The following SMIM27 variants were observed in gnomAD, a reference collection of about 807,000 sequenced individuals.
SMIM27 encodes the protein transition zone microprotein 1, also known as TOPORS antisense RNA 1 (non-protein coding).
A neutral mutation model predicts 1.8 loss-of-function variants in SMIM27; 3 were observed. The observed-to-expected ratio is 1.65, with a 90% CI of 0.75 to 4.28. The LOEUF is 4.28. SMIM27 is among the 30% of genes most tolerant of loss of function. The probability of loss-of-function intolerance (pLI) is 0.02; values close to 1 mark genes in which losing one functional copy is unlikely to be tolerated. For synonymous variants in SMIM27, 19 were observed against 13.9 expected (o/e 1.37, Z -0.82); for missense variants, 63 against 37.0 (o/e 1.70, Z -1.83).
intron 1 of SMIM27, among the ~76,000 whole-genome samples, chr9:32,560,208 A>C (rs1479868623): frequency 6.6e-6 from 1 of 152,230 alleles, no homozygotes; most frequent in Non-Finnish European, 1.5e-5. Flanking sequence ...CAAGAGAAAA[A>C]GTAAGGTAAG....
At chr9:32,557,470 C>CA (rs1821498119), downstream of SMIM27, among the ~76,000 whole-genome samples, 1 of 147,664 alleles carries the variant, frequency 6.8e-6, no homozygotes, top group South Asian at 2.2e-4. Flanking sequence ...ATACCCCCTA[C>CA]TTTTTTTTTT....
chr9:32,555,507 G>A (rs1331105244), downstream of SMIM27, among the ~76,000 whole-genome samples: 1 of 152,222 alleles, frequency 6.6e-6, no homozygotes, highest in Non-Finnish European at 1.5e-5. Context: ...GCTGGTAACT[G>A]TGTATAGGAA....
chr9:32,557,420 C>T (rs913715858), downstream of SMIM27, among the ~76,000 whole-genome samples: 10 of 151,250 alleles, frequency 6.6e-5, no homozygotes, highest in Admixed American at 5.9e-4. Context: ...CCACCCACCT[C>T]GGCTTCCCAT....
At chr9:32,563,038 C>T (rs999941980) in intron 1 of SMIM27, among the ~76,000 whole-genome samples, 2 of 152,188 alleles carry the variant, frequency 1.3e-5, no homozygotes, top group African/African-American at 4.8e-5. Context: ...TGAGGGAGAA[C>T]AGCCCCTCAG....
intron 1 of SMIM27, among the ~76,000 whole-genome samples, chr9:32,563,073 A>G (rs867336516): frequency 4.6e-5 from 7 of 152,326 alleles, no homozygotes; most frequent in Middle Eastern, 3.4e-3. Context: ...CTGTTTCCTC[A>G]TATGAATTTA....
intron 1 of SMIM27, among the ~76,000 whole-genome samples, chr9:32,565,865 G>A (rs903921184): frequency 6.6e-6 from 1 of 152,080 alleles, no homozygotes; most frequent in Non-Finnish European, 1.5e-5. Flanking sequence ...CTAGCTACTT[G>A]GGAGGTTGAG....
At position 32,559,132 on chromosome 9, in the gene SMIM27, A is replaced by G. The variant is rs542055679; in HGVS notation, c.45+6653A>G. Among the ~76,000 whole-genome samples the G allele has an allele frequency of 2.0e-5, 3 of 152,290 alleles. No individual in the cohort carries two copies. In the East Asian group the frequency reaches 5.8e-4, roughly 29 times the overall value. On this transcript the variant is annotated intron_variant, in intron 1 of 1. Transcript: ENST00000451672. ...GCTATCAAACAGGCATCTCAAACTT[A>G]ACCAGGTCCCACACTTAACTTCTCC...
At chr9:32,551,800 T>G (rs1305570376), upstream of SMIM27, 1 of 452,096 alleles carries the variant, frequency 2.2e-6, no homozygotes, top group South Asian at 1.6e-5. Context: ...ACTGATACAT[T>G]ATGGCGGGTA....
intron 1 of SMIM27, among the ~76,000 whole-genome samples, chr9:32,563,977 C>T (rs1235731290): frequency 6.6e-6 from 1 of 152,166 alleles, no homozygotes; most frequent in Admixed American, 6.5e-5. Context: ...TTCTCTCCTC[C>T]CGCCCTAGAA....
upstream of SMIM27, chr9:32,552,178 A>G: frequency 5.5e-6 from 2 of 360,664 alleles, no homozygotes; most frequent in South Asian, 4.3e-5. Context: ...AGTTGGCAAA[A>G]AAAAAAAAAA....
chr9:32,560,437 G>A (rs901064267), intron 1 of SMIM27, among the ~76,000 whole-genome samples: 2 of 152,172 alleles, frequency 1.3e-5, no homozygotes, highest in Admixed American at 6.5e-5. Flanking sequence ...GATAAAGTAA[G>A]TTAAACCCAG....
At chr9:32,558,267 A>G (rs1215586695) in intron 1 of SMIM27, among the ~76,000 whole-genome samples, 1 of 151,862 alleles carries the variant, frequency 6.6e-6, no homozygotes, top group Non-Finnish European at 1.5e-5. Context: ...GCCCGCCACC[A>G]CGCCCAGCTA....
intron 1 of SMIM27, among the ~76,000 whole-genome samples, chr9:32,560,706 A>G (rs1821601155): frequency 6.6e-6 from 1 of 152,232 alleles, no homozygotes; most frequent in Non-Finnish European, 1.5e-5. Flanking sequence ...AATACAATTT[A>G]AAATATTTAA....
chr9:32,564,740 ACT>A (rs750143399), intron 1 of SMIM27, among the ~76,000 whole-genome samples: 6 of 152,182 alleles, frequency 3.9e-5, no homozygotes, highest in Non-Finnish European at 4.4e-5. Context: ...GATGATAGTA[ACT>A]CTGATAAATG....
At chr9:32,556,704 C>T (rs1200652917), downstream of SMIM27, among the ~76,000 whole-genome samples, 1 of 152,056 alleles carries the variant, frequency 6.6e-6, no homozygotes, top group Non-Finnish European at 1.5e-5. Flanking sequence ...AATAAATTAA[C>T]ATTTAAATGG....
At position 32,559,014 on chromosome 9, in the gene SMIM27, A is replaced by C. The variant is rs979429489; in HGVS notation, c.45+6535A>C. 18 of 1,244,372 alleles carry C rather than the reference A, an allele frequency of 1.4e-5. No homozygotes were observed. In the Admixed American group the frequency reaches 3.6e-4, roughly 25 times the overall value. The allele number at this position is 1,244,372 out of a possible 1,614,324, so 77.1% of individuals were successfully genotyped here. A position where few individuals can be genotyped will look rare whatever the true frequency, so the allele number is the denominator to read the frequency against. On this transcript the variant is annotated intron_variant, in intron 1 of 1. Transcript: ENST00000451672. ...GTTAAGAGTTTCTTCTGAAAATAAG[A>C]AATAGGTCATACCCCAAATTTTAAC...
At chr9:32,564,849 T>C (rs1254720368) in intron 1 of SMIM27, among the ~76,000 whole-genome samples, 4 of 152,224 alleles carry the variant, frequency 2.6e-5, no homozygotes, top group African/African-American at 9.6e-5. Flanking sequence ...CAACATCCTT[T>C]TGCACTATGT....
chr9:32,553,316 G>C (rs545123851), downstream of SMIM27: 128 of 174,030 alleles, frequency 7.4e-4, no homozygotes, highest in Admixed American at 1.1e-3. Flanking sequence ...AGCCTCCGCA[G>C]TAGCTGGGAC....
upstream of SMIM27, chr9:32,551,587 G>A (rs1476840968): frequency 4.0e-6 from 1 of 249,960 alleles, no homozygotes; most frequent in African/African-American, 2.2e-5. Context: ...ACTCTTTTAA[G>A]ATAACTGCGA....
Sources: allele counts gnomAD v4.1 joint callset (sites outside exome capture counted in the v4.1 genomes callset), GRCh38; gene constraint gnomAD v4.1.1; transcripts MANE v1.5; gene names NCBI Gene and HGNC (gene_info 2026-07-23, HGNC 2026-07-21).